PCDHA3: variants seen among roughly 807,000 people sequenced by gnomAD.
PCDHA3 encodes the protein protocadherin alpha-3.
PCDHA3 carries 41 observed loss-of-function variants against 62.2 expected under a neutral mutation model. The ratio of observed to expected loss-of-function variants is 0.66; its 90% CI spans 0.51 to 0.86. The LOEUF (loss-of-function observed/expected upper bound fraction) is 0.86. Ranked by LOEUF, PCDHA3 falls within the 40% of genes least tolerant of loss-of-function variation. PCDHA3 has a pLI of 0.00. For missense variants in PCDHA3, 1,304 were observed against 1,241.2 expected (o/e 1.05, Z -0.76); for synonymous variants, 640 against 555.4 (o/e 1.15, Z -2.14).
At chr5:140,850,316 T>A (rs2150479207) in intron 1 of PCDHA3, 1 of 1,597,026 alleles carries the variant, frequency 6.3e-7, no homozygotes, top group African/African-American at 1.3e-5. Flanking sequence ...ACGCGTGGCT[T>A]TCATACGAGC....
chr5:140,935,566 T>A (rs2090441028), intron 1 of PCDHA3, among the ~76,000 whole-genome samples: 1 of 152,246 alleles, frequency 6.6e-6, no homozygotes, highest in Non-Finnish European at 1.5e-5. Context: ...AAAGTTCCTC[T>A]CTGTGTAGTT....
chr5:140,887,722 T>C (rs1214089693), intron 1 of PCDHA3, among the ~76,000 whole-genome samples: 2 of 152,200 alleles, frequency 1.3e-5, no homozygotes, highest in Non-Finnish European at 2.9e-5. Context: ...AATAGTTTTT[T>C]CTTTCCTTCC....
chr5:140,813,485 AC>A (rs1554126209), intron 1 of PCDHA3: 1 of 152,206 alleles, frequency 6.6e-6, no homozygotes, highest in Non-Finnish European at 1.5e-5. Context: ...ATATATCTAA[AC>A]ATCTAAAAGG....
intron 1 of PCDHA3, chr5:140,969,064 C>G: frequency 6.2e-7 from 1 of 1,614,136 alleles, no homozygotes; most frequent in Non-Finnish European, 8.5e-7. Context: ...ATATTGATGC[C>G]AGGATACCGC....
chr5:140,969,024 C>T, intron 1 of PCDHA3: 1 of 1,614,198 alleles, frequency 6.2e-7, no homozygotes, highest in Non-Finnish European at 8.5e-7. Flanking sequence ...GAAAGGTCCC[C>T]TGCAGAACTG....
At chr5:140,970,773 T>G (rs1385909769) in intron 1 of PCDHA3, among the ~76,000 whole-genome samples, 1 of 152,240 alleles carries the variant, frequency 6.6e-6, no homozygotes, top group Non-Finnish European at 1.5e-5. Context: ...TTGCTGTACA[T>G]ACATATTGTA....
chr5:140,993,532 A>C (rs1159592677), intron 3 of PCDHA3, among the ~76,000 whole-genome samples: 1 of 151,984 alleles, frequency 6.6e-6, no homozygotes, highest in African/African-American at 2.4e-5. Flanking sequence ...ACAGAGAGAG[A>C]GAGAGATAGA....
chr5:140,843,914 A>C, intron 1 of PCDHA3: 1 of 621,414 alleles, frequency 1.6e-6, no homozygotes, highest in Non-Finnish European at 2.8e-6. Flanking sequence ...AGTTGGGTCT[A>C]TCTTGAAACT....
chr5:140,967,017 C>T, intron 1 of PCDHA3: 1 of 1,606,892 alleles, frequency 6.2e-7, no homozygotes, highest in Non-Finnish European at 8.5e-7. Context: ...CATCTGGGTG[C>T]GCCCAGTCCG....
At chr5:140,824,619 T>TTTTTTTTTTTTG (rs1768250540) in intron 1 of PCDHA3, 2 of 129,516 alleles carry the variant, frequency 1.5e-5, no homozygotes, top group African/African-American at 3.5e-5. Flanking sequence ...AGTTTTTTTT[T>TTTTTTTTTTTTG]TTTTTTTTTT....
At chr5:140,823,827 C>A (rs1554129619) in intron 1 of PCDHA3, 1 of 1,613,806 alleles carries the variant, frequency 6.2e-7, no homozygotes, top group Non-Finnish European at 8.5e-7. Context: ...CGTCGGCGGG[C>A]GCTGTGGGTC....
At chr5:140,958,264 A>G (rs2153717297) in intron 1 of PCDHA3, among the ~76,000 whole-genome samples, 1 of 152,230 alleles carries the variant, frequency 6.6e-6, no homozygotes, top group Admixed American at 6.5e-5. Flanking sequence ...TTAATTTGGT[A>G]CAAGAAGTAT....
rs1290587407 is a variant in PCDHA3, at chr5:140,802,305, G to A, written c.1108G>A (p.Ala370Thr). 1.2e-6 allele frequency: 2 copies of A among 1,614,200 alleles called. No individual in the cohort carries two copies. Residue 370 changes from alanine (A) to threonine (T), a missense_variant, in exon 1 of 4, where the codon GCT becomes ACT. Physicochemically the swap from Ala to Thr is moderately conservative, Grantham distance 58 (BLOSUM62 0). Coordinates refer to ENST00000522353, the MANE Select transcript of PCDHA3 (RefSeq NM_018906.3). Reference protein sequence around the residue: ...LEDSPLSTVIALISVSDRDSG... With the variant: ...LEDSPLSTVITLISVSDRDSG... ...AGACTCTCCACTTAGCACAGTCATC[G>A]CTCTGATCAGCGTGTCCGACCGCGA...
intron 1 of PCDHA3, chr5:140,866,167 CAT>C (rs1328596564): frequency 7.9e-5 from 12 of 152,072 alleles, no homozygotes; most frequent in African/African-American, 2.9e-4. Flanking sequence ...AATCGTTTAA[CAT>C]GTAAGAAAAG....
chr5:140,863,417 G>A (rs182048002), intron 1 of PCDHA3: 5 of 701,164 alleles, frequency 7.1e-6, no homozygotes, highest in Non-Finnish European at 9.9e-6. Flanking sequence ...CTGGTGTACC[G>A]CAGCGTAGTG....
chr5:140,835,129 T>C, intron 1 of PCDHA3: 1 of 1,358,528 alleles, frequency 7.4e-7, no homozygotes, highest in Non-Finnish European at 1.0e-6. Context: ...CTGTATACGG[T>C]GAAATTACCA....
At chr5:140,946,868 T>C (rs1468330981) in intron 1 of PCDHA3, among the ~76,000 whole-genome samples, 1 of 151,412 alleles carries the variant, frequency 6.6e-6, no homozygotes, top group Admixed American at 6.6e-5. Context: ...GAGAGGTTGG[T>C]CAATGGGTAC....
At chr5:140,944,292 A>G (rs1330492011) in intron 1 of PCDHA3, among the ~76,000 whole-genome samples, 1 of 152,090 alleles carries the variant, frequency 6.6e-6, no homozygotes, top group Non-Finnish European at 1.5e-5. Context: ...GGCTCAAGCG[A>G]TCCTCCTACC....
At chr5:140,862,360 G>A (rs920511235) in intron 1 of PCDHA3, 3 of 334,748 alleles carry the variant, frequency 9.0e-6, no homozygotes, top group Non-Finnish European at 1.8e-5. Context: ...AGGGACAGAC[G>A]ACCCGCACCC....
Sources: gnomAD v4.1 joint callset for allele counts (sites outside exome capture counted in the v4.1 genomes callset) on GRCh38, gnomAD v4.1.1 for gene constraint, MANE v1.5 for transcripts, NCBI Gene and HGNC (gene_info 2026-07-23, HGNC 2026-07-21) for gene names.